Variants in SMOX observed in about 807,000 individuals in gnomAD.
SMOX encodes the protein flavin containing amine oxidase.
In SMOX, 22 loss-of-function variants were observed where a neutral mutation model predicts 51.0. The ratio of observed to expected loss-of-function variants is 0.43; its 90% CI spans 0.31 to 0.62. The LOEUF (loss-of-function observed/expected upper bound fraction) is 0.62. Among genes scored for constraint, SMOX ranks in the 20% least tolerant of loss-of-function variants. The pLI is 0.10. For missense variants in SMOX, 566 were observed against 777.7 expected (o/e 0.73, Z 3.24); for synonymous variants, 282 against 307.8 (o/e 0.92, Z 0.88).
At chr20:4,165,681 G>T (rs1365229939) in intron 1 of SMOX, among the ~76,000 whole-genome samples, 1 of 152,150 alleles carries the variant, frequency 6.6e-6, no homozygotes, top group African/African-American at 2.4e-5. Context: ...CAGGAGTCAG[G>T]GCTGGCCTCT....
At chr20:4,156,191 T>G (rs1274121514) in intron 1 of SMOX, among the ~76,000 whole-genome samples, 1 of 152,194 alleles carries the variant, frequency 6.6e-6, no homozygotes, top group Non-Finnish European at 1.5e-5. Flanking sequence ...TGTTTAGTGT[T>G]TCCCAGCCTG....
chr20:4,163,697 T>C (rs569674320), intron 1 of SMOX, among the ~76,000 whole-genome samples: 1 of 152,238 alleles, frequency 6.6e-6, no homozygotes, highest in South Asian at 2.1e-4. Flanking sequence ...GCAGGAGGAT[T>C]TGCTTCCAAG....
chr20:4,184,609 A>T (rs6116243), intron 6 of SMOX, among the ~76,000 whole-genome samples: 14,872 of 151,882 alleles, frequency 0.098, 1,385 homozygotes, highest in East Asian at 0.27. Context: ...GTTATATTTA[A>T]AACAATTATT....
At position 4,181,857 on chromosome 20, in the gene SMOX, A is replaced by T. The variant is rs760116878; in HGVS notation, c.490A>T (p.Ser164Cys). ...GCACGATAAACCAGTCAATGCTGAA[A>T]GTCAAAATAGCGTGGGGGTGTTCAC... is the stretch of plus-strand genomic sequence containing the variant. ...FRHDKPVNAE[S>C]QNSVGVFTRE... Residue 164 changes from serine to cysteine, a missense_variant, in exon 4 of 7, where the codon AGT becomes TGT. Physicochemically the swap from Ser to Cys is moderately radical, Grantham distance 112. This residue lies in a region of SMOX where 217 missense variants were observed against 278.4 expected (regional missense o/e 0.78). Transcript: ENST00000305958. The surrounding 1 kb of genome is among the most constrained non-coding windows in gnomAD (Gnocchi z 5.6). 8.7e-6 allele frequency: 14 copies of T among 1,614,036 alleles called. No homozygotes were observed. Among genetic ancestry groups the T allele is most frequent in the South Asian group, 2.2e-5 (2 of 91,084 alleles).
At position 4,178,668 on chromosome 20, in the gene SMOX, T is replaced by TTTTC. The variant is rs1200215758; in HGVS notation, c.435+1111_435+1114dup. Among the ~76,000 whole-genome samples the TTTTC allele has an allele frequency of 7.9e-5, 10 of 126,606 alleles. No homozygotes were observed. In the South Asian group the frequency reaches 1.7e-3, roughly 21 times the overall value. 83.1% of individuals were successfully genotyped at this position (126,606 alleles called of 152,430 possible). On this transcript the variant is annotated intron_variant, in intron 3 of 6. Transcript: ENST00000305958. ...CAGCAAACACCTATTGTGCATTTTC[T>TTTTC]TTTCTTTCTTTCTTTCTTTCTTTTT... is the stretch of plus-strand genomic sequence containing the variant.
At chr20:4,159,446 G>A (rs1986206648) in intron 1 of SMOX, among the ~76,000 whole-genome samples, 1 of 152,188 alleles carries the variant, frequency 6.6e-6, no homozygotes, top group Non-Finnish European at 1.5e-5. Context: ...AGCAAGGCCT[G>A]AGGCTTAATA....
At chr20:4,150,305 T>G (rs1985671482) in intron 1 of SMOX, among the ~76,000 whole-genome samples, 1 of 152,126 alleles carries the variant, frequency 6.6e-6, no homozygotes, top group African/African-American at 2.4e-5. Flanking sequence ...TGCCCTGACT[T>G]CGGTCCCACC....
chr20:4,161,189 G>C (rs1986296030), intron 1 of SMOX, among the ~76,000 whole-genome samples: 1 of 152,230 alleles, frequency 6.6e-6, no homozygotes. Flanking sequence ...CCTCCCAGGT[G>C]TCAAGTGCCC....
Position 4,175,117 on chromosome 20 carries a change from G to C in SMOX, c.62G>C (p.Arg21Thr), listed in dbSNP as rs568692615. The C allele has an allele frequency of 3.2e-5, 52 of 1,614,270 alleles. No homozygotes were observed. The highest frequency in any genetic ancestry group is 2.2e-4 in the Admixed American group (13 of 60,036). Residue 21 changes from arginine (R) to threonine (T), a missense_variant, in exon 2 of 7, where the codon AGA (arginine) becomes ACA (threonine). By Grantham distance (71) the Arg-to-Thr change is moderately conservative. Around this residue, in one of 3 missense-constraint regions of SMOX, gnomAD observed 217 missense variants for 278.4 expected, o/e 0.78. Coordinates refer to ENST00000305958, the MANE Select transcript of SMOX (RefSeq NM_175839.3). The part of the protein sequence containing the change: ...ADDPLSRGLR[R>T]RGQPRVVVIG... ...GACCCTCTCAGTCGCGGCCTACGGA[G>C]AAGGGGACAGCCTCGTGTGGTGGTG...
In SMOX at chr20:4,181,873, G is replaced by T; in HGVS notation, c.506G>T (p.Gly169Val). 1 of 1,614,126 alleles carries T rather than the reference G, an allele frequency of 6.2e-7. No homozygotes were observed. Among genetic ancestry groups the T allele is most frequent in the African/African-American group, 1.3e-5 (1 of 75,032 alleles). ...PVNAESQNSVGVFTREEVRNR... is the reference protein window; with the variant it reads ...PVNAESQNSVVVFTREEVRNR... ...AATGCTGAAAGTCAAAATAGCGTGGGGGTGTTCACCCGAGAGGAGGTGCGT... is the reference window on the plus strand; with the variant it reads ...AATGCTGAAAGTCAAAATAGCGTGGTGGTGTTCACCCGAGAGGAGGTGCGT... Residue 169 changes from glycine (G) to valine (V), a missense_variant, in exon 4 of 7, where the codon GGG (glycine) becomes GTG (valine). Physicochemically the swap from Gly to Val is moderately radical, Grantham distance 109 (BLOSUM62 -3). Coordinates refer to ENST00000305958, the MANE Select transcript of SMOX (RefSeq NM_175839.3). The surrounding 1 kb of genome is among the most constrained non-coding windows in gnomAD (Gnocchi z 5.6).
chr20:4,149,976 T>G lies in SMOX; in HGVS notation c.-27+999T>G, dbSNP rs1985652400. On this transcript the variant is annotated intron_variant, in intron 1 of 6. Coordinates refer to ENST00000305958, the MANE Select transcript of SMOX (RefSeq NM_175839.3). This position sits in a 1 kb window ranked among gnomAD's most constrained non-coding sequence, Gnocchi z 6.0. ...TCGGCCACCACTGCCCCCTGGCCTCTTGTTAGGCGGAGAGGGCATCCCAAT... is the reference window on the plus strand; with the variant it reads ...TCGGCCACCACTGCCCCCTGGCCTCGTGTTAGGCGGAGAGGGCATCCCAAT... Among the ~76,000 whole-genome samples the G allele has an allele frequency of 6.6e-6, 1 of 152,132 alleles. No homozygotes were observed. The highest frequency in any genetic ancestry group is 2.4e-5 in the African/African-American group (1 of 41,430).
intron 6 of SMOX, chr20:4,186,940 G>A: frequency 3.1e-6 from 2 of 651,550 alleles, no homozygotes; most frequent in South Asian, 1.8e-5. Flanking sequence ...CGAAGTAGGT[G>A]GTATAAACCC....
rs1042148490 is a variant in SMOX, at chr20:4,153,115, G to C, written c.-27+4138G>C. Reference sequence around the variant, plus strand: ...GGGTCCTCGCTTGGAGTGGGTGACCGAATTTTTCTGCTTCATGCCCCACTT... The same window carrying C: ...GGGTCCTCGCTTGGAGTGGGTGACCCAATTTTTCTGCTTCATGCCCCACTT... On this transcript the variant is annotated intron_variant, in intron 1 of 6. Coordinates refer to ENST00000305958, the MANE Select transcript of SMOX (RefSeq NM_175839.3). The surrounding 1 kb of genome is among the most constrained non-coding windows in gnomAD (Gnocchi z 4.4). Among the ~76,000 whole-genome samples the C allele has an allele frequency of 1.3e-5, 2 of 152,144 alleles. No individual in the cohort carries two copies. The highest frequency in any genetic ancestry group is 2.9e-5 in the Non-Finnish European group (2 of 68,024).
chr20:4,159,989 G>T (rs956705990), intron 1 of SMOX, among the ~76,000 whole-genome samples: 1 of 152,206 alleles, frequency 6.6e-6, no homozygotes, highest in African/African-American at 2.4e-5. Context: ...AGTGATCGAG[G>T]ACCGTCTAGA....
intron 1 of SMOX, among the ~76,000 whole-genome samples, chr20:4,171,169 C>A (rs368802334): frequency 6.6e-6 from 1 of 152,150 alleles, no homozygotes; most frequent in Non-Finnish European, 1.5e-5. Context: ...GATCAAGGAG[C>A]GGATGTTATT....
At position 4,170,392 on chromosome 20, in the gene SMOX, G is replaced by A. The variant is rs947422769; in HGVS notation, c.-26-4638G>A. Among the ~76,000 whole-genome samples the A allele has an allele frequency of 8.5e-5, 13 of 152,184 alleles. No homozygotes were observed. Among genetic ancestry groups the A allele is most frequent in the African/African-American group, 2.9e-4 (12 of 41,444 alleles). On this transcript the variant is annotated intron_variant, in intron 1 of 6. Transcript: ENST00000305958. This position sits in a 1 kb window ranked among gnomAD's most constrained non-coding sequence, Gnocchi z 4.6. ...TTCCAGGCGGGGCTTGGCAGGGTCA[G>A]ACGTTGGAGACCAGGACTAACGCGT...
At chr20:4,154,087 C>T (rs1985889141) in intron 1 of SMOX, among the ~76,000 whole-genome samples, 1 of 152,080 alleles carries the variant, frequency 6.6e-6, no homozygotes. Context: ...CTTTGGCCGA[C>T]AGAGGAGAGG....
In SMOX at chr20:4,182,942, A is replaced by G. The variant is rs952971621; in HGVS notation, c.1369+94A>G. ...CCCATGGCAGCTCTCTCCTCCCCAG[A>G]CCGTGAAGCTCGGATGCTGTGCCCC... On this transcript the variant is annotated intron_variant, in intron 5 of 6. Transcript: ENST00000305958. This position sits in a 1 kb window ranked among gnomAD's most constrained non-coding sequence, Gnocchi z 8.4. 2 of 1,468,472 alleles carry G rather than the reference A, an allele frequency of 1.4e-6. No individual in the cohort carries two copies. Among genetic ancestry groups the G allele is most frequent in the African/African-American group, 2.8e-5 (2 of 71,664 alleles). The allele number at this position is 1,468,472 out of a possible 1,614,324, so 91.0% of individuals were successfully genotyped here.
intron 1 of SMOX, among the ~76,000 whole-genome samples, chr20:4,161,621 T>C (rs974022844): frequency 6.6e-6 from 1 of 152,158 alleles, no homozygotes; most frequent in Non-Finnish European, 1.5e-5. Context: ...CCCAGGAGGT[T>C]GACACAGCAC....
Sources: allele counts gnomAD v4.1 joint callset (sites outside exome capture counted in the v4.1 genomes callset), GRCh38; gene constraint gnomAD v4.1.1; regional missense constraint gnomAD v4.1.1; non-coding constraint Gnocchi (gnomAD v3.1); transcripts MANE v1.5; gene names NCBI Gene and HGNC (gene_info 2026-07-23, HGNC 2026-07-21).